The following CYP19A1 variants were observed in gnomAD, a reference collection of about 807,000 sequenced individuals.
CYP19A1 encodes the protein aromatase.
In CYP19A1, 32 loss-of-function variants were observed where a neutral mutation model predicts 44.4. The observed-to-expected ratio is 0.72, with a 90% confidence interval of 0.54 to 0.97. The LOEUF (loss-of-function observed/expected upper bound fraction) is 0.97. Ranked by LOEUF, CYP19A1 falls within the 50% of genes least tolerant of loss-of-function variation. The pLI is 0.00. For missense variants in CYP19A1, 598 were observed against 637.8 expected, an observed-to-expected ratio of 0.94 and a Z score of 0.67; for synonymous variants, 212 against 215.6, an observed-to-expected ratio of 0.98 and a Z score of 0.14.
At chr15:51,291,912 G>C (rs1309340590) in intron 1 of CYP19A1, among the ~76,000 whole-genome samples, 1 of 152,198 alleles carries the variant, frequency 6.6e-6, no homozygotes, top group Non-Finnish European at 1.5e-5. Context: ...AGAAAAAAAG[G>C]AAAGAGAAGC....
intron 1 of CYP19A1, among the ~76,000 whole-genome samples, chr15:51,298,751 C>T (rs771043114): frequency 2.0e-5 from 3 of 152,242 alleles, no homozygotes; most frequent in Non-Finnish European, 4.4e-5. Context: ...AGTTTGTTGA[C>T]TTAAAAATAG....
chr15:51,259,975 A>C (rs1393016153), intron 1 of CYP19A1, among the ~76,000 whole-genome samples: 1 of 152,250 alleles, frequency 6.6e-6, no homozygotes, highest in Non-Finnish European at 1.5e-5. Context: ...TTTTGCCTTT[A>C]ATGATACATC....
chr15:51,249,582 A>C (rs1449981962), intron 1 of CYP19A1, among the ~76,000 whole-genome samples: 3 of 152,188 alleles, frequency 2.0e-5, no homozygotes, highest in Non-Finnish European at 4.4e-5. Flanking sequence ...ACATTCAGAC[A>C]TTCAGTTTTC....
intron 1 of CYP19A1, among the ~76,000 whole-genome samples, chr15:51,309,293 T>C (rs2036269119): frequency 6.6e-6 from 1 of 152,198 alleles, no homozygotes. Flanking sequence ...AGCACCCTGA[T>C]CTCAGATTTC....
chr15:51,238,290 C>T (rs2033533633), intron 2 of CYP19A1, among the ~76,000 whole-genome samples: 1 of 152,158 alleles, frequency 6.6e-6, no homozygotes, highest in African/African-American at 2.4e-5. Flanking sequence ...TAAAAGATTT[C>T]CACAGCAGAT....
chr15:51,266,342 G>A (rs1360093532), intron 1 of CYP19A1, among the ~76,000 whole-genome samples: 2 of 152,182 alleles, frequency 1.3e-5, no homozygotes, highest in Non-Finnish European at 2.9e-5. Context: ...GCTAATTAGT[G>A]ACAGAGTTTG....
chr15:51,216,456 T>C (rs2031587120), intron 6 of CYP19A1, among the ~76,000 whole-genome samples: 1 of 152,186 alleles, frequency 6.6e-6, no homozygotes, highest in Admixed American at 6.5e-5. Flanking sequence ...TTTCACCATG[T>C]TGGTCAGGTT....
At chr15:51,297,592 A>G (rs761967852) in intron 1 of CYP19A1, among the ~76,000 whole-genome samples, 1 of 152,088 alleles carries the variant, frequency 6.6e-6, no homozygotes, top group East Asian at 1.9e-4. Flanking sequence ...CTCAGCTTCC[A>G]TGATTTCAAT....
chr15:51,326,711 A>G (rs2036613633), intron 1 of CYP19A1, among the ~76,000 whole-genome samples: 1 of 152,232 alleles, frequency 6.6e-6, no homozygotes, highest in Non-Finnish European at 1.5e-5. Flanking sequence ...TTGAACCTGG[A>G]AGAAACCTTA....
At chr15:51,216,784 GT>G (rs1489160037) in intron 6 of CYP19A1, among the ~76,000 whole-genome samples, 1 of 152,152 alleles carries the variant, frequency 6.6e-6, no homozygotes, top group Non-Finnish European at 1.5e-5. Flanking sequence ...GTGGGGTCAG[GT>G]CCTAGTTCAG....
At chr15:51,218,697 G>T in intron 5 of CYP19A1, 42 bp from the exon 6 acceptor site, 1 of 1,583,418 alleles carries the variant, frequency 6.3e-7, no homozygotes, top group South Asian at 1.1e-5. Flanking sequence ...AAGAGCAGTT[G>T]AGCAAAATGT....
intron 1 of CYP19A1, among the ~76,000 whole-genome samples, chr15:51,301,441 G>A (rs1303714010): frequency 6.6e-6 from 1 of 152,214 alleles, no homozygotes; most frequent in African/African-American, 2.4e-5. Context: ...ACACCTCCAA[G>A]ACCAAGGCTC....
At chr15:51,331,921 A>G (rs188358033) in intron 1 of CYP19A1, among the ~76,000 whole-genome samples, 7,269 of 148,246 alleles carry the variant, frequency 0.049, 570 homozygotes, top group African/African-American at 0.17. Context: ...ATGTGTGTGT[A>G]TATATATATA....
chr15:51,254,234 T>A (rs971314721), intron 1 of CYP19A1, among the ~76,000 whole-genome samples: 1 of 152,048 alleles, frequency 6.6e-6, no homozygotes, highest in Non-Finnish European at 1.5e-5. Flanking sequence ...TCTTCAGAAG[T>A]CTATTATCAG....
chr15:51,281,131 T>G (rs1401239666), intron 1 of CYP19A1, among the ~76,000 whole-genome samples: 1 of 152,156 alleles, frequency 6.6e-6, no homozygotes, highest in Non-Finnish European at 1.5e-5. Context: ...CAGTGGAAAA[T>G]TCAGCAGACA....
intron 1 of CYP19A1, among the ~76,000 whole-genome samples, chr15:51,333,308 C>T (rs955896258): frequency 6.6e-6 from 1 of 152,156 alleles, no homozygotes; most frequent in African/African-American, 2.4e-5. Flanking sequence ...CCTATCAAGT[C>T]ACTGGCGGGG....
intron 2 of CYP19A1, among the ~76,000 whole-genome samples, chr15:51,237,298 A>T (rs796600193): frequency 7.2e-5 from 11 of 152,136 alleles, no homozygotes; most frequent in African/African-American, 2.7e-4. Flanking sequence ...TGTGTGTGCT[A>T]ATTTCTTCCC....
intron 1 of CYP19A1, among the ~76,000 whole-genome samples, chr15:51,332,109 T>C (rs2036711682): frequency 6.6e-6 from 1 of 152,206 alleles, no homozygotes; most frequent in South Asian, 2.1e-4. Flanking sequence ...TTAAGCCCCC[T>C]TGATGTTCTT....
chr15:51,233,753 AT>A (rs1016555154), intron 3 of CYP19A1, among the ~76,000 whole-genome samples: 1 of 152,102 alleles, frequency 6.6e-6, no homozygotes, highest in Non-Finnish European at 1.5e-5. Context: ...TGATACATAA[AT>A]TTTTTTTGTA....
Sources: allele counts gnomAD v4.1 joint callset (sites outside exome capture counted in the v4.1 genomes callset), GRCh38; gene constraint gnomAD v4.1.1; transcripts MANE v1.5; gene names NCBI Gene and HGNC (gene_info 2026-07-23, HGNC 2026-07-21).